The following ACYP2 variants were observed in gnomAD, a reference collection of about 807,000 sequenced individuals.
ACYP2 encodes acylphosphatase-2.
A neutral mutation model predicts 11.2 loss-of-function variants in ACYP2; 12 were observed. That is an observed-to-expected ratio of 1.08 (90% confidence interval 0.69 to 1.74). ACYP2 has a LOEUF of 1.74. Ranked by LOEUF, ACYP2 falls within the 40% of genes most tolerant of loss-of-function variation. The pLI, the probability that ACYP2 is intolerant of heterozygous loss-of-function variation, is 0.00. For synonymous variants in ACYP2, 43 were observed against 32.2 expected (o/e 1.33, Z -1.13); for missense variants, 134 against 101.9 (o/e 1.31, Z -1.35).
chr2:54,164,323 A>G (rs1243921394), intron 6 of ACYP2, among the ~76,000 whole-genome samples: 1 of 152,194 alleles, frequency 6.6e-6, no homozygotes, highest in Non-Finnish European at 1.5e-5. Flanking sequence ...TTTAACTGCC[A>G]GGCTTTTGAG....
chr2:54,265,186 C>G lies in ACYP2; in HGVS notation c.405-39502C>G, dbSNP rs191434884. Among the ~76,000 whole-genome samples the G allele has an allele frequency of 3.0e-4, 46 of 152,068 alleles. 1 individual carries two copies. The highest frequency in any genetic ancestry group is 9.9e-4 in the African/African-American group (41 of 41,486). On this transcript the variant is annotated intron_variant, in intron 6 of 6. Coordinates refer to ENST00000607452, the MANE Select transcript of ACYP2 (RefSeq NM_001320586.2). ...GACATAGCTGAGACTGGGAAATTTA[C>G]AAAAGAAAGAGGTTTAATGGACTTA... is the stretch of plus-strand genomic sequence containing the variant.
chr2:54,075,812 CA>C (rs573101351), intron 4 of ACYP2, among the ~76,000 whole-genome samples: 36 of 143,076 alleles, frequency 2.5e-4, no homozygotes, highest in Admixed American at 5.6e-4. Flanking sequence ...GACTCCATCT[CA>C]AAAAAAAAAA....
chr2:54,148,256 A>G (rs1681987206), intron 6 of ACYP2, among the ~76,000 whole-genome samples: 2 of 152,166 alleles, frequency 1.3e-5, no homozygotes, highest in Non-Finnish European at 2.9e-5. Flanking sequence ...TGCCCTGAAA[A>G]AAAAATTCTC....
chr2:54,074,654 G>T (rs566683687), intron 4 of ACYP2, among the ~76,000 whole-genome samples: 1 of 151,206 alleles, frequency 6.6e-6, no homozygotes, highest in African/African-American at 2.4e-5. Context: ...CAGAGAAACA[G>T]AACAAACAGG....
At chr2:54,150,283 A>G (rs771361419) in intron 6 of ACYP2, among the ~76,000 whole-genome samples, 1 of 152,206 alleles carries the variant, frequency 6.6e-6, no homozygotes, top group African/African-American at 2.4e-5. Flanking sequence ...CTGGCCTTCT[A>G]CAGAAAAGGG....
At chr2:54,232,875 C>T (rs577527186) in intron 6 of ACYP2, among the ~76,000 whole-genome samples, 2 of 152,192 alleles carry the variant, frequency 1.3e-5, no homozygotes, top group East Asian at 3.9e-4. Context: ...CCCACCAGGC[C>T]CCTCCCTTGA....
At chr2:54,234,107 T>G (rs1272595758) in intron 6 of ACYP2, among the ~76,000 whole-genome samples, 1 of 152,170 alleles carries the variant, frequency 6.6e-6, no homozygotes, top group Non-Finnish European at 1.5e-5. Flanking sequence ...CCGTTGAAAC[T>G]CTGGCAAAAT....
At chr2:54,277,978 ATTT>A (rs1688680991) in intron 6 of ACYP2, among the ~76,000 whole-genome samples, 1 of 151,970 alleles carries the variant, frequency 6.6e-6, no homozygotes, top group African/African-American at 2.4e-5. Flanking sequence ...TAATTAATTT[ATTT>A]ATTTATGTAT....
At chr2:54,036,301 G>A (rs149716739) in intron 2 of ACYP2, among the ~76,000 whole-genome samples, 1 of 152,238 alleles carries the variant, frequency 6.6e-6, no homozygotes, top group East Asian at 1.9e-4. Context: ...CACCATGTTG[G>A]CAGGCTGGTG....
chr2:54,116,037 G>A (rs985165121), intron 4 of ACYP2, among the ~76,000 whole-genome samples: 6 of 152,170 alleles, frequency 3.9e-5, no homozygotes, highest in Non-Finnish European at 7.4e-5. Flanking sequence ...GGGTGCGGGA[G>A]TAAGCGGCAC....
chr2:54,161,346 A>G (rs757120972), intron 6 of ACYP2, among the ~76,000 whole-genome samples: 2 of 152,224 alleles, frequency 1.3e-5, no homozygotes, highest in Non-Finnish European at 2.9e-5. Context: ...ATTATTTCCA[A>G]TGATCTCAAG....
At chr2:53,990,652 CAA>C (rs80058534) in intron 2 of ACYP2, among the ~76,000 whole-genome samples, 4 of 49,550 alleles carry the variant, frequency 8.1e-5, no homozygotes, top group East Asian at 6.5e-4. Context: ...TCCGTCTTAC[CAA>C]AAAAAAAAAA....
At chr2:54,301,935 T>C (rs1689742477) in intron 6 of ACYP2, among the ~76,000 whole-genome samples, 1 of 152,104 alleles carries the variant, frequency 6.6e-6, no homozygotes. Context: ...GAAGCATATA[T>C]GGAGCCATGA....
At chr2:54,105,984 C>A (rs1679136647) in intron 4 of ACYP2, among the ~76,000 whole-genome samples, 1 of 151,908 alleles carries the variant, frequency 6.6e-6, no homozygotes, top group Non-Finnish European at 1.5e-5. Flanking sequence ...TGTTCTAAGA[C>A]TATTTCTTTG....
intron 2 of ACYP2, among the ~76,000 whole-genome samples, chr2:54,043,985 T>C (rs1231954693): frequency 6.6e-6 from 1 of 151,906 alleles, no homozygotes. Context: ...AATAAGAAGC[T>C]CCAGCTGGTG....
At chr2:54,244,309 C>A (rs1686856544) in intron 6 of ACYP2, among the ~76,000 whole-genome samples, 1 of 152,190 alleles carries the variant, frequency 6.6e-6, no homozygotes, top group Non-Finnish European at 1.5e-5. Context: ...TCAAGCAATT[C>A]TTGCGCCTTA....
At chr2:54,104,022 C>G (rs187723473) in intron 4 of ACYP2, among the ~76,000 whole-genome samples, 1 of 152,196 alleles carries the variant, frequency 6.6e-6, no homozygotes, top group Non-Finnish European at 1.5e-5. Flanking sequence ...AAGCCAGCCC[C>G]AGGTTGAACA....
At chr2:54,119,205 A>G (rs1441246683) in intron 4 of ACYP2, among the ~76,000 whole-genome samples, 1 of 151,580 alleles carries the variant, frequency 6.6e-6, no homozygotes, top group Non-Finnish European at 1.5e-5. Context: ...GGCATGAGTC[A>G]CCATGCCCAG....
In ACYP2 at chr2:53,986,286, A is replaced by G. The variant is rs376930380; in HGVS notation, c.62+12476A>G. ...ACAGCCTGAAGCTCTCACCGGAAGC[A>G]GATTCCCGCACTATGCTTCCTGTAC... On this transcript the variant is annotated intron_variant, in intron 2 of 6. Coordinates refer to ENST00000607452, the MANE Select transcript of ACYP2 (RefSeq NM_001320586.2). Among the ~76,000 whole-genome samples the G allele has an allele frequency of 3.9e-5, 6 of 152,054 alleles. No individual in the cohort carries two copies. In the East Asian group the frequency reaches 1.2e-3, roughly 29 times the overall value.
Sources: gnomAD v4.1 joint callset for allele counts (sites outside exome capture counted in the v4.1 genomes callset) on GRCh38, gnomAD v4.1.1 for gene constraint, MANE v1.5 for transcripts, NCBI Gene and HGNC (gene_info 2026-07-23, HGNC 2026-07-21) for gene names.